The following PRR14L variants were observed in gnomAD, a reference collection of about 807,000 sequenced individuals.
PRR14L encodes protein PRR14L.
Under a neutral mutation model 155.0 loss-of-function variants are expected in PRR14L, and 80 were observed. That is an observed-to-expected ratio of 0.52 (90% confidence interval 0.43 to 0.62). The LOEUF is 0.62. PRR14L is among the 20% of genes least tolerant of loss of function. The probability of loss-of-function intolerance (pLI) is 0.00; values close to 1 mark genes in which losing one functional copy is unlikely to be tolerated. For missense variants in PRR14L, 2,469 were observed against 2,548.0 expected, an observed-to-expected ratio of 0.97 and a Z score of 0.67; for synonymous variants, 883 against 916.0, an observed-to-expected ratio of 0.96 and a Z score of 0.65.
intron 2 of PRR14L, among the ~76,000 whole-genome samples, chr22:31,736,341 G>A (rs1406379125): frequency 1.3e-5 from 2 of 148,394 alleles, no homozygotes; most frequent in African/African-American, 2.5e-5. Context: ...AGCTGAGATC[G>A]CACCATTGCA....
chr22:31,731,565 CAAAAAAAAAAAAAAAA>C (rs55727852), intron 2 of PRR14L, among the ~76,000 whole-genome samples: 1 of 49,248 alleles, frequency 2.0e-5, no homozygotes, highest in Non-Finnish European at 4.0e-5. Flanking sequence ...GAGACTGTCT[CAAAAAAAAAAAAAAAA>C]AAAAAAAAAA....
At position 31,685,409 on chromosome 22, in the gene PRR14L, TGGC is replaced by T; in HGVS notation, c.*115_*117del. ...ATGGACTGTGCATTTTTGAGTGGTT[TGGC>T]GGTAGGGCAAAATTAGGCAACCTTT... On this transcript the variant is annotated 3_prime_UTR_variant, in exon 9 of 9. Transcript: ENST00000327423. 1.2e-6 allele frequency: 1 copy of T among 833,194 alleles called. No homozygotes were observed. Among genetic ancestry groups the T allele is most frequent in the Non-Finnish European group, 1.8e-6 (1 of 549,562 alleles). 51.6% of individuals were successfully genotyped at this position (833,194 alleles called of 1,614,324 possible).
At position 31,748,871 on chromosome 22, in the gene PRR14L, A is replaced by C. The variant is rs1199655543; in HGVS notation, c.-52+1122T>G. On this transcript the variant is annotated intron_variant, in intron 1 of 8. Coordinates refer to ENST00000327423, the MANE Select transcript of PRR14L (RefSeq NM_173566.3). Reference sequence around the variant, plus strand: ...TATTTTCAGTGAGGCCCTCTTTGTTAATTTGGGAAAGTATTGAACAGCAGG... The same window carrying C: ...TATTTTCAGTGAGGCCCTCTTTGTTCATTTGGGAAAGTATTGAACAGCAGG... Among the ~76,000 whole-genome samples the C allele has an allele frequency of 3.3e-5, 5 of 152,162 alleles. No homozygotes were observed. The East Asian group carries it at 9.7e-4, about 29-fold the overall frequency.
intron 7 of PRR14L, 47 bp from the exon 8 acceptor site, chr22:31,688,274 T>G: frequency 6.6e-7 from 1 of 1,511,322 alleles, no homozygotes; most frequent in Non-Finnish European, 8.8e-7. Context: ...CTCTCTCTTT[T>G]TTTTTTCAGA....
rs2074474667 is a variant in PRR14L at position 31,684,872 on chromosome 22, T to C, written c.*655A>G. Reference sequence around the variant, plus strand: ...TAATCCACACCACAACATTAAAAAGTGCAACTTACTTCGAATGGGGCCTGG... The same window carrying C: ...TAATCCACACCACAACATTAAAAAGCGCAACTTACTTCGAATGGGGCCTGG... On this transcript the variant is annotated 3_prime_UTR_variant, in exon 9 of 9. Transcript: ENST00000327423. The C allele has an allele frequency of 6.6e-6, 1 of 152,000 alleles. No homozygotes were observed. Among genetic ancestry groups the C allele is most frequent in the Non-Finnish European group, 1.5e-5 (1 of 67,994 alleles). The allele number at this position is 152,000 out of a possible 1,614,324, so 9.4% of individuals were successfully genotyped here. A position where few individuals can be genotyped will look rare whatever the true frequency, so the allele number is the denominator to read the frequency against.
chr22:31,688,925 C>CACACACACAA (rs1165552534), intron 7 of PRR14L, among the ~76,000 whole-genome samples: 3 of 151,240 alleles, frequency 2.0e-5, no homozygotes, highest in African/African-American at 7.3e-5. Flanking sequence ...CACACACACA[C>CACACACACAA]AAAAACCCTT....
intron 5 of PRR14L, 33 bp from the exon 6 acceptor site, chr22:31,703,754 G>T: frequency 1.5e-6 from 2 of 1,370,138 alleles, no homozygotes; most frequent in African/African-American, 1.5e-5. Flanking sequence ...GATATGAGAG[G>T]GGTTCCCTTT....
intron 2 of PRR14L, among the ~76,000 whole-genome samples, chr22:31,730,967 T>A (rs1319922199): frequency 6.6e-6 from 1 of 152,190 alleles, no homozygotes; most frequent in African/African-American, 2.4e-5. Flanking sequence ...CACTATCATT[T>A]ATTTTAAGCT....
chr22:31,701,236 C>A (rs2074561650), intron 7 of PRR14L, among the ~76,000 whole-genome samples: 1 of 152,268 alleles, frequency 6.6e-6, no homozygotes, highest in African/African-American at 2.4e-5. Context: ...GATCTCCCCA[C>A]CTCGGCCTCC....
chr22:31,710,237 C>T (rs2074613810), intron 4 of PRR14L, among the ~76,000 whole-genome samples: 1 of 152,048 alleles, frequency 6.6e-6, no homozygotes, highest in African/African-American at 2.4e-5. Flanking sequence ...CCACTGCGTC[C>T]CGCCTGAACC....
At chr22:31,731,888 T>A (rs574863088) in intron 2 of PRR14L, among the ~76,000 whole-genome samples, 15 of 152,220 alleles carry the variant, frequency 9.9e-5, no homozygotes, top group Admixed American at 2.6e-4. Flanking sequence ...GTTTTGTTAT[T>A]CATTTGTAAT....
Position 31,712,190 on chromosome 22 carries a change from T to C in PRR14L, c.5649A>G (p.Arg1883=), listed in dbSNP as rs925291644. 1.2e-6 allele frequency: 2 copies of C among 1,613,956 alleles called. No individual in the cohort carries two copies. The highest frequency in any genetic ancestry group is 2.7e-5 in the African/African-American group (2 of 74,884). ...VFCSLPYSVG[R]VLSIWSQHGP... is the part of the protein sequence containing the mutation. ...CATGCTGGCTCCAAATGGATAGGAC[T>C]CTGCCCACCGAGTAGGGCAGAGAAC... The change falls in exon 4 of 9, where the codon AGA becomes AGG. Residue 1883 remains arginine (R), a synonymous_variant. Coordinates refer to ENST00000327423, the MANE Select transcript of PRR14L (RefSeq NM_173566.3).
intron 7 of PRR14L, 39 bp from the exon 8 acceptor site, chr22:31,688,266 C>CT: frequency 6.5e-7 from 1 of 1,527,200 alleles, no homozygotes; most frequent in South Asian, 1.2e-5. Context: ...CAGGTTCTCT[C>CT]TCTCTTTTTT....
chr22:31,716,563 C>G lies in PRR14L; in HGVS notation c.1276G>C (p.Gly426Arg). ...NAREPEKEIS[G>R]RCSGEKEPVV... ...GGCTCTTTTTCACCAGAACAACGAC[C>G]ACTAATCTCCTTTTCTGGTTCCCTG... The change falls in exon 4 of 9, where the codon GGT becomes CGT. Residue 426 changes from glycine to arginine, a missense_variant. Physicochemically the swap from Gly to Arg is moderately radical, Grantham distance 125. Around this residue, in one of 2 missense-constraint regions of PRR14L, gnomAD observed 2,363 missense variants for 2,371.6 expected, o/e 1.00. Transcript: ENST00000327423. The G allele has an allele frequency of 6.5e-7, 1 of 1,547,970 alleles. No individual in the cohort carries two copies. The highest frequency in any genetic ancestry group is 8.7e-7 in the Non-Finnish European group (1 of 1,146,132).
rs1237995054 is a variant in PRR14L, at chr22:31,715,159, T to C, written c.2680A>G (p.Ser894Gly). 6 of 1,551,988 alleles carry C rather than the reference T, an allele frequency of 3.9e-6. No homozygotes were observed. Among genetic ancestry groups the C allele is most frequent in the Middle Eastern group, 1.7e-4 (1 of 5,996 alleles). The change falls in exon 4 of 9, where the codon AGT becomes GGT. Residue 894 changes from serine (S) to glycine (G), a missense_variant. By Grantham distance (56) the Ser-to-Gly change is moderately conservative. Transcript: ENST00000327423. ...CCTTCCTCACTGAGTTTGATGCTACTGGAGGTGTGAATGGTTTTGTTTGAA... is the reference window on the plus strand; with the variant it reads ...CCTTCCTCACTGAGTTTGATGCTACCGGAGGTGTGAATGGTTTTGTTTGAA... ...GISNKTIHTS[S>G]SIKLSEEGLE...
In PRR14L at chr22:31,715,642, AG is replaced by A; in HGVS notation, c.2196del (p.Leu733Ter). 1 of 1,552,196 alleles carries A rather than the reference AG, an allele frequency of 6.4e-7. No homozygotes were observed. The highest frequency in any genetic ancestry group is 8.7e-7 in the Non-Finnish European group (1 of 1,147,072). ...QTCGASSNCP[T>X]LNIKPVSLER... ...TCTAGGCTTACTGGTTTGATGTTTA[AG>A]GTGGGACAGTTTGAAGAGGCACCAC... On this transcript the variant is annotated frameshift_variant, in exon 4 of 9. Transcript: ENST00000327423. LOFTEE classifies it high-confidence loss of function.
At position 31,685,110 on chromosome 22, in the gene PRR14L, G is replaced by A. The variant is rs1013294348; in HGVS notation, c.*417C>T. 4.1e-5 allele frequency: 7 copies of A among 172,784 alleles called. No individual in the cohort carries two copies. Among genetic ancestry groups the A allele is most frequent in the Non-Finnish European group, 7.5e-5 (6 of 79,616 alleles). 10.7% of individuals were successfully genotyped at this position (172,784 alleles called of 1,614,324 possible). A position where few individuals can be genotyped will look rare whatever the true frequency, so the allele number is the denominator to read the frequency against. On this transcript the variant is annotated 3_prime_UTR_variant, in exon 9 of 9. Transcript: ENST00000327423. ...CGCCAGGTCCCCCTCCCTAGGCCAC[G>A]TTTCTAATAATCTTGGTCTAGCACC...
intron 2 of PRR14L, among the ~76,000 whole-genome samples, chr22:31,730,946 G>C (rs541864243): frequency 6.6e-6 from 1 of 152,048 alleles, no homozygotes; most frequent in Non-Finnish European, 1.5e-5. Flanking sequence ...AGTAAGTGTC[G>C]AATAATTCAT....
chr22:31,742,290 C>T (rs185994916), intron 1 of PRR14L, among the ~76,000 whole-genome samples: 175 of 152,128 alleles, frequency 1.2e-3, no homozygotes, highest in African/African-American at 3.6e-3. Context: ...CTTGACTACT[C>T]TCTTTTTAGG....
Sources: gnomAD v4.1 joint callset for allele counts (sites outside exome capture counted in the v4.1 genomes callset) on GRCh38, gnomAD v4.1.1 for gene constraint, gnomAD v4.1.1 regional missense constraint, MANE v1.5 for transcripts, NCBI Gene and HGNC (gene_info 2026-07-23, HGNC 2026-07-21) for gene names.